TRAF3IP1: variants seen among roughly 807,000 people sequenced by gnomAD.
The protein encoded by TRAF3IP1 is TRAF3-interacting protein 1.
In TRAF3IP1, 53 loss-of-function variants were observed where a neutral mutation model predicts 89.9. The observed-to-expected ratio is 0.59, with a 90% CI of 0.47 to 0.74. The LOEUF is 0.74. Ranked by LOEUF, TRAF3IP1 falls within the 30% of genes least tolerant of loss-of-function variation. TRAF3IP1 has a pLI of 0.00. For synonymous variants in TRAF3IP1, 311 were observed against 322.1 expected (o/e 0.97, Z 0.37); for missense variants, 806 against 866.1 (o/e 0.93, Z 0.87).
chr2:238,345,249 C>T lies in TRAF3IP1; in HGVS notation c.1261+651C>T, dbSNP rs1698838518. On this transcript the variant is annotated intron_variant, in intron 9 of 16. Coordinates refer to ENST00000373327, the MANE Select transcript of TRAF3IP1 (RefSeq NM_015650.4). The surrounding 1 kb of genome is among the most constrained non-coding windows in gnomAD (Gnocchi z 4.7). Reference sequence around the variant, plus strand: ...TGTTGAAGGCCTACTGCATGTCAGCCCTGAGGCTGGGAGCGCATGAGCCAG... The same window carrying T: ...TGTTGAAGGCCTACTGCATGTCAGCTCTGAGGCTGGGAGCGCATGAGCCAG... 1.3e-5 allele frequency among the ~76,000 whole-genome samples: 2 copies of T among 152,150 alleles called. No homozygotes were observed. The highest frequency in any genetic ancestry group is 4.8e-5 in the African/African-American group (2 of 41,400).
intron 8 of TRAF3IP1, among the ~76,000 whole-genome samples, chr2:238,344,136 G>A (rs922735616): frequency 4.6e-5 from 7 of 152,124 alleles, no homozygotes; most frequent in East Asian, 1.9e-4. Flanking sequence ...TGAAACAGCC[G>A]CCTACTTGCA....
Position 238,345,812 on chromosome 2 carries a change from C to T in TRAF3IP1, c.1261+1214C>T, listed in dbSNP as rs537370966. Among the ~76,000 whole-genome samples the T allele has an allele frequency of 6.6e-6, 1 of 152,124 alleles. No individual in the cohort carries two copies. Among genetic ancestry groups the T allele is most frequent in the South Asian group, 2.1e-4 (1 of 4,822 alleles). On this transcript the variant is annotated intron_variant, in intron 9 of 16. Coordinates refer to ENST00000373327, the MANE Select transcript of TRAF3IP1 (RefSeq NM_015650.4). The surrounding 1 kb of genome is among the most constrained non-coding windows in gnomAD (Gnocchi z 4.7). The stretch of plus-strand genomic sequence containing the variant: ...AGGAGCCTGGGTGGGGACTGGGTCA[C>T]CTAGGACGAGATTGTGAGTGCAGGA...
chr2:238,381,945 C>T (rs936173781), intron 15 of TRAF3IP1, among the ~76,000 whole-genome samples: 25 of 152,022 alleles, frequency 1.6e-4, no homozygotes, highest in East Asian at 9.6e-4. Context: ...AAGAGGAGCG[C>T]GCTGAGTCAA....
chr2:238,325,733 C>A, intron 2 of TRAF3IP1, 76 bp from the exon 3 acceptor site: 1 of 1,385,808 alleles, frequency 7.2e-7, no homozygotes, highest in Non-Finnish European at 1.0e-6. Context: ...CTATCCTATG[C>A]CTGGTAAACA....
chr2:238,356,777 A>ATTT (rs1332058374), intron 15 of TRAF3IP1, among the ~76,000 whole-genome samples: 1 of 135,774 alleles, frequency 7.4e-6, no homozygotes. Flanking sequence ...GAGACTGGGA[A>ATTT]TTTTTTTTTT....
intron 15 of TRAF3IP1, among the ~76,000 whole-genome samples, chr2:238,383,913 G>A (rs1201096175): frequency 6.6e-6 from 1 of 152,214 alleles, no homozygotes; most frequent in Non-Finnish European, 1.5e-5. Context: ...GGAGGCTTAA[G>A]TCTGTCATCT....
At chr2:238,389,747 CA>C (rs1232699014) in intron 15 of TRAF3IP1, among the ~76,000 whole-genome samples, 1 of 111,410 alleles carries the variant, frequency 9.0e-6, no homozygotes, top group Admixed American at 8.6e-5. Flanking sequence ...GACTCCATCT[CA>C]AATAATAATA....
At chr2:238,382,294 A>G (rs950339273) in intron 15 of TRAF3IP1, among the ~76,000 whole-genome samples, 5 of 152,198 alleles carry the variant, frequency 3.3e-5, no homozygotes, top group African/African-American at 7.2e-5. Flanking sequence ...AAAAGTACCA[A>G]TATGATACTG....
chr2:238,322,276 C>T (rs1383185521), intron 1 of TRAF3IP1, among the ~76,000 whole-genome samples: 4 of 152,224 alleles, frequency 2.6e-5, no homozygotes, highest in African/African-American at 7.2e-5. Flanking sequence ...AAATGCAGAG[C>T]CCCAGGAGGG....
chr2:238,334,813 C>T (rs1413293080), intron 7 of TRAF3IP1, among the ~76,000 whole-genome samples: 1 of 152,230 alleles, frequency 6.6e-6, no homozygotes, highest in Non-Finnish European at 1.5e-5. Flanking sequence ...TTTTGGTTGA[C>T]CGCTGTGGGG....
At chr2:238,350,517 T>A (rs897540720) in intron 12 of TRAF3IP1, among the ~76,000 whole-genome samples, 2 of 152,128 alleles carry the variant, frequency 1.3e-5, no homozygotes, top group Non-Finnish European at 2.9e-5. Context: ...GAGAGTGGGC[T>A]AGTGAAGAGA....
chr2:238,375,171 G>C (rs1039986184), intron 15 of TRAF3IP1, among the ~76,000 whole-genome samples: 1 of 152,058 alleles, frequency 6.6e-6, no homozygotes, highest in Non-Finnish European at 1.5e-5. Context: ...CCTCCTTCTA[G>C]CTTTTGAATT....
At chr2:238,388,023 G>A (rs1700843925) in intron 15 of TRAF3IP1, among the ~76,000 whole-genome samples, 2 of 152,258 alleles carry the variant, frequency 1.3e-5, no homozygotes, top group African/African-American at 4.8e-5. Flanking sequence ...GTCCAAGGCT[G>A]CAGTGAGCTG....
chr2:238,330,164 T>C (rs1326400825), intron 5 of TRAF3IP1, among the ~76,000 whole-genome samples: 1 of 152,202 alleles, frequency 6.6e-6, no homozygotes, highest in Non-Finnish European at 1.5e-5. Context: ...GAGTTGTGCA[T>C]GTGGTGTCTT....
rs2106364423 is a variant in TRAF3IP1, at chr2:238,329,220, AG to A, written c.796del (p.Asp266ThrfsTer17). 1 of 1,556,880 alleles carries A rather than the reference AG, an allele frequency of 6.4e-7. No homozygotes were observed. Among genetic ancestry groups the A allele is most frequent in the Non-Finnish European group, 8.6e-7 (1 of 1,156,666 alleles). ...GAAAGAGAAGGAGAGACTGAGAGAC[AG>A]GGACCGAGAGCGCGACCGGGACAAA... ...GGKEKERLRDRDRERDRDKGK... is the reference protein window; with the variant it reads ...GGKEKERLRDXDRERDRDKGK... On this transcript the variant is annotated frameshift_variant, in exon 5 of 17. Coordinates refer to ENST00000373327, the MANE Select transcript of TRAF3IP1 (RefSeq NM_015650.4). LOFTEE classifies it high-confidence loss of function.
intron 15 of TRAF3IP1, among the ~76,000 whole-genome samples, chr2:238,383,128 C>T (rs1700617996): frequency 6.6e-6 from 1 of 152,150 alleles, no homozygotes; most frequent in Admixed American, 6.5e-5. Context: ...GCACCCAGCT[C>T]TCCCCTTTGT....
At chr2:238,398,287 G>A (rs1292859640) in intron 16 of TRAF3IP1, among the ~76,000 whole-genome samples, 3 of 128,960 alleles carry the variant, frequency 2.3e-5, no homozygotes, top group Non-Finnish European at 3.3e-5. Flanking sequence ...ATAGCGGAGT[G>A]GGGGGAGTAA....
chr2:238,384,560 A>AT (rs1168683957), intron 15 of TRAF3IP1, among the ~76,000 whole-genome samples: 256 of 87,240 alleles, frequency 2.9e-3, no homozygotes, highest in African/African-American at 0.011. Flanking sequence ...TTTTTTTTGT[A>AT]TTTTTTTTTT....
intron 8 of TRAF3IP1, among the ~76,000 whole-genome samples, chr2:238,341,734 A>G (rs1698669912): frequency 6.6e-6 from 1 of 152,148 alleles, no homozygotes. Flanking sequence ...TGTATGCACA[A>G]GATCTCATTT....
Sources: allele counts gnomAD v4.1 joint callset (sites outside exome capture counted in the v4.1 genomes callset), GRCh38; gene constraint gnomAD v4.1.1; non-coding constraint Gnocchi (gnomAD v3.1); transcripts MANE v1.5; gene names NCBI Gene and HGNC (gene_info 2026-07-23, HGNC 2026-07-21).